PRDM16: variants seen among roughly 807,000 people sequenced by gnomAD.
The protein encoded by PRDM16 is PR/SET domain 16.
Under a neutral mutation model 110.6 loss-of-function variants are expected in PRDM16, and 23 were observed. That is an observed-to-expected ratio of 0.21 (90% CI 0.15 to 0.29). The LOEUF is 0.29. Ranked by LOEUF, PRDM16 falls within the 10% of genes least tolerant of loss-of-function variation. The pLI, the probability that PRDM16 is intolerant of heterozygous loss-of-function variation, is 1.00. For synonymous variants in PRDM16, 799 were observed against 781.8 expected (o/e 1.02, Z -0.37); for missense variants, 1,615 against 1,794.3 (o/e 0.90, Z 1.81).
At chr1:3,421,509 A>C (rs1388261066) in intron 12 of PRDM16, among the ~76,000 whole-genome samples, 1 of 152,156 alleles carries the variant, frequency 6.6e-6, no homozygotes, top group African/African-American at 2.4e-5. Flanking sequence ...CTGCTCGGAG[A>C]ACTCTGCTCC....
At chr1:3,164,787 G>A (rs1036028403) in intron 1 of PRDM16, among the ~76,000 whole-genome samples, 5 of 152,258 alleles carry the variant, frequency 3.3e-5, no homozygotes, top group African/African-American at 9.6e-5. Flanking sequence ...TTTGCGGGGG[G>A]AGGCTGTTGG....
chr1:3,351,750 C>G (rs1335493820), intron 3 of PRDM16, among the ~76,000 whole-genome samples: 2 of 124,192 alleles, frequency 1.6e-5, no homozygotes, highest in Non-Finnish European at 3.4e-5. Flanking sequence ...CCCTCTCTCC[C>G]CCCCCTCTGT....
chr1:3,365,437 C>A (rs1429089087), intron 3 of PRDM16, among the ~76,000 whole-genome samples: 1 of 152,192 alleles, frequency 6.6e-6, no homozygotes, highest in Non-Finnish European at 1.5e-5. Context: ...ACCTCCTGGC[C>A]AATACAAGTG....
chr1:3,120,930 CTG>C (rs1359500237), intron 1 of PRDM16, among the ~76,000 whole-genome samples: 2 of 152,208 alleles, frequency 1.3e-5, no homozygotes, highest in Non-Finnish European at 2.9e-5. Context: ...CCTTCAGGAG[CTG>C]TGTCTGAATG....
chr1:3,113,414 C>T (rs576212296), intron 1 of PRDM16, among the ~76,000 whole-genome samples: 18 of 136,388 alleles, frequency 1.3e-4, no homozygotes, highest in African/African-American at 3.5e-4. Flanking sequence ...CAGGGGAGGG[C>T]GTGGGGATGC....
chr1:3,292,045 G>A lies in PRDM16; in HGVS notation c.438+47908G>A, dbSNP rs1640984353. Among the ~76,000 whole-genome samples, 2 of 152,090 alleles carry A rather than the reference G, an allele frequency of 1.3e-5. 1 individual carries two copies. The highest frequency in any genetic ancestry group is 1.3e-4 in the Admixed American group (2 of 15,286). ...TTGGGCTTGGCCGCAGGACCCCGCA[G>A]GAAGGTGCATGGCCGCTTCAGCAAG... On this transcript the variant is annotated intron_variant, in intron 3 of 16. Transcript: ENST00000270722.
Position 3,209,336 on chromosome 1 carries a change from G to A in PRDM16, c.387+22862G>A, listed in dbSNP as rs962538695. Among the ~76,000 whole-genome samples, 3 of 152,184 alleles carry A rather than the reference G, an allele frequency of 2.0e-5. No individual in the cohort carries two copies. The highest frequency in any genetic ancestry group is 2.9e-5 in the Non-Finnish European group (2 of 68,032). On this transcript the variant is annotated intron_variant, in intron 2 of 16. Transcript: ENST00000270722. The surrounding 1 kb of genome is among the most constrained non-coding windows in gnomAD (Gnocchi z 4.6). Reference sequence around the variant, plus strand: ...GGGACAGCACTGCACGTTTGACATCGGGGCACGCAGCTCCGACGTGGCCGG... The same window carrying A: ...GGGACAGCACTGCACGTTTGACATCAGGGCACGCAGCTCCGACGTGGCCGG...
intron 3 of PRDM16, among the ~76,000 whole-genome samples, chr1:3,336,440 A>G (rs1166854467): frequency 6.7e-6 from 1 of 149,112 alleles, no homozygotes. Context: ...TTGCATGCAC[A>G]TGTGTGTTGG....
chr1:3,162,008 C>G (rs770689471), intron 1 of PRDM16, among the ~76,000 whole-genome samples: 1 of 152,238 alleles, frequency 6.6e-6, no homozygotes, highest in Non-Finnish European at 1.5e-5. Flanking sequence ...GGCCCCTCCA[C>G]GTGGGGCCTC....
At chr1:3,171,153 C>T (rs936276924) in intron 1 of PRDM16, among the ~76,000 whole-genome samples, 5 of 152,222 alleles carry the variant, frequency 3.3e-5, no homozygotes, top group Admixed American at 6.5e-5. Context: ...TTCGGGGCCA[C>T]GTTTGTTTAC....
chr1:3,230,466 T>C (rs6424069), intron 2 of PRDM16, among the ~76,000 whole-genome samples: 59,819 of 152,188 alleles, frequency 0.39, 17,773 homozygotes, highest in African/African-American at 0.82. Flanking sequence ...CAGAGGAGGT[T>C]GAATATCCAG....
rs576281148 is a variant in PRDM16, at chr1:3,438,510, G to A, written c.*4699G>A. ...CTTAAGAGAAAGCCTAGGAGAAGCC[G>A]ATTTGGAGGTTAATGCTGTAGAATA... On this transcript the variant is annotated 3_prime_UTR_variant, in exon 17 of 17. Coordinates refer to ENST00000270722, the MANE Select transcript of PRDM16 (RefSeq NM_022114.4). 24 of 206,566 alleles carry A rather than the reference G, an allele frequency of 1.2e-4. No individual in the cohort carries two copies. The highest frequency in any genetic ancestry group is 5.7e-4 in the South Asian group (3 of 5,284). 12.8% of individuals were successfully genotyped at this position (206,566 alleles called of 1,614,324 possible).
intron 3 of PRDM16, among the ~76,000 whole-genome samples, chr1:3,288,383 T>C (rs948175545): frequency 1.3e-5 from 2 of 152,186 alleles, no homozygotes; most frequent in African/African-American, 4.8e-5. Context: ...CACCTCAGTT[T>C]CCAGACAAAG....
rs890395249 is a variant in PRDM16 at position 3,271,444 on chromosome 1, A to G, written c.438+27307A>G. ...TCTTAAGCCACTCCCAGCCAAATCC[A>G]AAACATAAAGAAAATGGTAGCCCTT... On this transcript the variant is annotated intron_variant, in intron 3 of 16. Transcript: ENST00000270722. 3.9e-5 allele frequency among the ~76,000 whole-genome samples: 6 copies of G among 152,330 alleles called. 1 individual carries two copies. Among genetic ancestry groups the G allele is most frequent in the African/African-American group, 1.4e-4 (6 of 41,572 alleles).
rs1429507146 is a variant in PRDM16 at position 3,334,831 on chromosome 1, CCTGCA to C, written c.439-50315_439-50311del. Among the ~76,000 whole-genome samples the C allele has an allele frequency of 5.3e-5, 8 of 152,372 alleles. No homozygotes were observed. The South Asian group carries it at 6.2e-4, about 12-fold the overall frequency. The stretch of plus-strand genomic sequence containing the variant: ...CAGCTCATTTCACTCCAACAGCCAT[CCTGCA>C]CTGCAGGCATTTTTAATCCACTTTA... On this transcript the variant is annotated intron_variant, in intron 3 of 16. Coordinates refer to ENST00000270722, the MANE Select transcript of PRDM16 (RefSeq NM_022114.4).
At chr1:3,202,581 A>G (rs900346677) in intron 2 of PRDM16, among the ~76,000 whole-genome samples, 3 of 152,202 alleles carry the variant, frequency 2.0e-5, no homozygotes, top group Non-Finnish European at 2.9e-5. Context: ...AAGGGTCTGC[A>G]GGTGAAGGAT....
intron 3 of PRDM16, among the ~76,000 whole-genome samples, chr1:3,251,273 G>A (rs1284192248): frequency 6.7e-6 from 1 of 149,282 alleles, no homozygotes; most frequent in Non-Finnish European, 1.5e-5. Context: ...TTTTGCAATG[G>A]GAGATAATGA....
chr1:3,252,475 G>C (rs1178885355), intron 3 of PRDM16, among the ~76,000 whole-genome samples: 1 of 152,196 alleles, frequency 6.6e-6, no homozygotes, highest in Non-Finnish European at 1.5e-5. Flanking sequence ...TGCCCAGTGG[G>C]GGCCGCGGTG....
At chr1:3,337,453 A>G (rs1358553523) in intron 3 of PRDM16, among the ~76,000 whole-genome samples, 1 of 152,094 alleles carries the variant, frequency 6.6e-6, no homozygotes, top group Non-Finnish European at 1.5e-5. Flanking sequence ...GGTTCTTAGG[A>G]GGTGCTTGAT....
Sources: allele counts gnomAD v4.1 joint callset (sites outside exome capture counted in the v4.1 genomes callset), GRCh38; gene constraint gnomAD v4.1.1; non-coding constraint Gnocchi (gnomAD v3.1); transcripts MANE v1.5; gene names NCBI Gene and HGNC (gene_info 2026-07-23, HGNC 2026-07-21).